ADGRE3: variants seen among roughly 807,000 people sequenced by gnomAD.
The protein encoded by ADGRE3 is adhesion G protein-coupled receptor E3.
Under a neutral mutation model 80.1 loss-of-function variants are expected in ADGRE3, and 88 were observed. The observed-to-expected ratio is 1.10, with a 90% CI of 0.93 to 1.31. The LOEUF (loss-of-function observed/expected upper bound fraction) is 1.31, where lower values mean the gene tolerates loss of function less well. ADGRE3 is among the 40% of genes most tolerant of loss of function. The pLI is 0.00. For missense variants in ADGRE3, 715 were observed against 776.5 expected (o/e 0.92, Z 0.94); for synonymous variants, 281 against 294.8 (o/e 0.95, Z 0.48).
Position 14,636,094 on chromosome 19 carries a change from C to CTT in ADGRE3, c.1484+2009_1484+2010dup, listed in dbSNP as rs1243795726. On this transcript the variant is annotated intron_variant, in intron 11 of 15. Coordinates refer to ENST00000253673, the MANE Select transcript of ADGRE3 (RefSeq NM_032571.5). ...TCCTTTCCTTTCCCTTTCTTTCTTTCTTTCTTTCTTTCTTTCTTTCTTTCT... is the reference window on the plus strand; with the variant it reads ...TCCTTTCCTTTCCCTTTCTTTCTTTCTTTTTCTTTCTTTCTTTCTTTCTTTCT... Among the ~76,000 whole-genome samples, 95 of 37,132 alleles carry CTT rather than the reference C, an allele frequency of 2.6e-3. 10 individuals are homozygous for CTT. Among genetic ancestry groups the CTT allele is most frequent in the African/African-American group, 2.9e-3 (36 of 12,262 alleles). 24.4% of individuals were successfully genotyped at this position (37,132 alleles called of 152,430 possible).
the ADGRE3 span, among the ~76,000 whole-genome samples, chr19:14,612,057 G>A: frequency 1.3e-5 from 2 of 152,204 alleles, no homozygotes; most frequent in African/African-American, 4.8e-5. Context: ...ACTTTCCTGG[G>A]CTATTAGCTC....
chr19:14,665,222 C>T (rs1323357277), intron 2 of ADGRE3, among the ~76,000 whole-genome samples: 2 of 151,782 alleles, frequency 1.3e-5, no homozygotes, highest in African/African-American at 4.8e-5. Context: ...CGCCACCACG[C>T]CCGGCTAATT....
At chr19:14,664,592 C>T (rs574182876) in intron 2 of ADGRE3, among the ~76,000 whole-genome samples, 1 of 152,086 alleles carries the variant, frequency 6.6e-6, no homozygotes, top group South Asian at 2.1e-4. Context: ...GCCTGTAGTC[C>T]CAGCTACTCT....
Position 14,638,285 on chromosome 19 carries a change from G to C in ADGRE3, c.1304C>G (p.Thr435Ser). The C allele has an allele frequency of 6.2e-7, 1 of 1,614,154 alleles. No homozygotes were observed. Among genetic ancestry groups the C allele is most frequent in the African/African-American group, 1.3e-5 (1 of 75,040 alleles). ...ALHYLYLAAF[T>S]WMLLEGVHLF... ...GTGCACACCCTCCAGCAGCATCCAGGTGAAGGCGGCCAGGTAGAGATAGTG... is the reference window on the plus strand; with the variant it reads ...GTGCACACCCTCCAGCAGCATCCAGCTGAAGGCGGCCAGGTAGAGATAGTG... Residue 435 changes from threonine (T) to serine (S), a missense_variant, in exon 11 of 16, where the codon ACC becomes AGC. By Grantham distance (58) the Thr-to-Ser change is moderately conservative. Coordinates refer to ENST00000253673, the MANE Select transcript of ADGRE3 (RefSeq NM_032571.5).
chr19:14,616,780 C>CT (rs1264854981), downstream of ADGRE3, among the ~76,000 whole-genome samples: 1 of 134,246 alleles, frequency 7.4e-6, no homozygotes, highest in Non-Finnish European at 1.5e-5. Flanking sequence ...TGGAAACAAG[C>CT]TTTTTTCTAG....
In ADGRE3 at chr19:14,624,314, G is replaced by A. The variant is rs961730475; in HGVS notation, c.1920+1178C>T. 5.3e-5 allele frequency among the ~76,000 whole-genome samples: 8 copies of A among 152,030 alleles called. 1 individual carries two copies. Among genetic ancestry groups the A allele is most frequent in the Non-Finnish European group, 7.4e-5 (5 of 68,000 alleles). Reference sequence around the variant, plus strand: ...TCTCCATGTTGGTCAGGCTGGTCTCGAACTCCCAACCTCAGGTGATCTGCC... The same window carrying A: ...TCTCCATGTTGGTCAGGCTGGTCTCAAACTCCCAACCTCAGGTGATCTGCC... On this transcript the variant is annotated intron_variant, in intron 15 of 15. Coordinates refer to ENST00000253673, the MANE Select transcript of ADGRE3 (RefSeq NM_032571.5).
At chr19:14,659,829 A>AAAAAAAAAG (rs1599646593) in intron 4 of ADGRE3, among the ~76,000 whole-genome samples, 1 of 149,340 alleles carries the variant, frequency 6.7e-6, no homozygotes, top group East Asian at 1.9e-4. Flanking sequence ...TCTGAAAAAA[A>AAAAAAAAAG]AAAAAAAAAA....
At chr19:14,605,694 T>C in the ADGRE3 span, among the ~76,000 whole-genome samples, 1 of 152,134 alleles carries the variant, frequency 6.6e-6, no homozygotes, top group Non-Finnish European at 1.5e-5. Context: ...TTCTTCCCTA[T>C]CTTTTATCTC....
chr19:14,641,418 C>T lies in ADGRE3; in HGVS notation c.1248+1G>A. On this transcript the variant is annotated splice_donor_variant, in intron 10 of 15. Transcript: ENST00000253673. LOFTEE classifies it high-confidence loss of function. ...GGCATCCTCTGAGACACTGTCAGTA[C>T]CTTGGGTTCAGTTCGATCAATCCCC... 6.2e-7 allele frequency: 1 copy of T among 1,614,002 alleles called. No homozygotes were observed. Among genetic ancestry groups the T allele is most frequent in the East Asian group, 2.2e-5 (1 of 44,888 alleles).
At chr19:14,617,340 C>CT (rs1234516327), downstream of ADGRE3, among the ~76,000 whole-genome samples, 711 of 31,100 alleles carry the variant, frequency 0.023, 17 homozygotes, top group East Asian at 0.1. Context: ...CTCCCTCCCT[C>CT]CCTTTCTTTC....
In ADGRE3 at chr19:14,639,411, C is replaced by CT. The variant is rs549536397; in HGVS notation, c.1249-1072dup. Among the ~76,000 whole-genome samples, 53 of 145,454 alleles carry CT rather than the reference C, an allele frequency of 3.6e-4. 1 individual carries two copies. The South Asian group carries it at 7.0e-3, about 19-fold the overall frequency. ...AGAGATTATTATTATGATTATGATTCTTTTTTTTTTGAGACATGGTCTTGC... is the reference window on the plus strand; with the variant it reads ...AGAGATTATTATTATGATTATGATTCTTTTTTTTTTTGAGACATGGTCTTGC... On this transcript the variant is annotated intron_variant, in intron 10 of 15. Coordinates refer to ENST00000253673, the MANE Select transcript of ADGRE3 (RefSeq NM_032571.5).
intron 2 of ADGRE3, 81 bp from the exon 3 acceptor site, chr19:14,663,621 C>G: frequency 6.7e-7 from 1 of 1,487,336 alleles, no homozygotes; most frequent in Non-Finnish European, 9.1e-7. Context: ...TCTTGATCAC[C>G]TGAGGTCAGG....
chr19:14,641,598 T>G lies in ADGRE3; in HGVS notation c.1069A>C (p.Thr357Pro). 1 of 1,614,098 alleles carries G rather than the reference T, an allele frequency of 6.2e-7. No homozygotes were observed. Among genetic ancestry groups the G allele is most frequent in the Non-Finnish European group, 8.5e-7 (1 of 1,180,004 alleles). Residue 357 changes from threonine to proline, a missense_variant, in exon 10 of 16, where the codon ACT becomes CCT. Thr to Pro is a conservative substitution (Grantham distance 38, BLOSUM62 -1). Transcript: ENST00000253673. ...LTSQEEDPVL[T>P]VITYVGLSVS... ...CTCAGCCCCACGTAGGTGATGACAG[T>G]CAGCACGGGATCCTCCTCCTGGGAC...
chr19:14,644,867 A>G (rs554857655), intron 8 of ADGRE3, among the ~76,000 whole-genome samples: 4 of 152,142 alleles, frequency 2.6e-5, no homozygotes, highest in East Asian at 1.9e-4. Context: ...CTAGAACTAC[A>G]AGTGTGTACC....
chr19:14,620,425 T>TATGAATATATATGTATATTCATGTATAC (rs1970514261), intron 15 of ADGRE3, among the ~76,000 whole-genome samples: 1 of 145,808 alleles, frequency 6.9e-6, no homozygotes, highest in Non-Finnish European at 1.5e-5. Context: ...TTCATGTATA[T>TATGAATATATATGTATATTCATGTATAC]ATGAATATAT....
chr19:14,640,446 C>T lies in ADGRE3; in HGVS notation c.1248+973G>A, dbSNP rs117673558. Among the ~76,000 whole-genome samples the T allele has an allele frequency of 4.6e-3, 704 of 152,154 alleles. 18 individuals are homozygous for T. In the East Asian group the frequency reaches 0.089, roughly 19 times the overall value. On this transcript the variant is annotated intron_variant, in intron 10 of 15. Transcript: ENST00000253673. ...CTGGGATTACAGGTGCTCATCACCACGCTGGGCTAATATTTTGTATTTTTA... is the reference window on the plus strand; with the variant it reads ...CTGGGATTACAGGTGCTCATCACCATGCTGGGCTAATATTTTGTATTTTTA...
At chr19:14,600,674 C>T in the ADGRE3 span, among the ~76,000 whole-genome samples, 16 of 151,460 alleles carry the variant, frequency 1.1e-4, no homozygotes, top group South Asian at 4.2e-4. Context: ...CTCCGCCTCC[C>T]GGGTTCACGC....
the ADGRE3 span, among the ~76,000 whole-genome samples, chr19:14,613,433 G>T: frequency 1.0e-4 from 14 of 134,888 alleles, no homozygotes; most frequent in African/African-American, 3.0e-4. Flanking sequence ...GTCTTGCTTT[G>T]TTGCCCAGAC....
At chr19:14,600,254 C>T in the ADGRE3 span, 2 of 1,536,226 alleles carry the variant, frequency 1.3e-6, no homozygotes, top group East Asian at 2.3e-5. Flanking sequence ...GCACACATCC[C>T]TCCCTTCCCT....
Sources: gnomAD v4.1 joint callset for allele counts (sites outside exome capture counted in the v4.1 genomes callset) on GRCh38, gnomAD v4.1.1 for gene constraint, MANE v1.5 for transcripts, NCBI Gene and HGNC (gene_info 2026-07-23, HGNC 2026-07-21) for gene names.